Variants in NDNF observed in about 807,000 individuals in gnomAD.
NDNF encodes protein NDNF.
In NDNF, 16 loss-of-function variants were observed where a neutral mutation model predicts 42.0. That is an observed-to-expected ratio of 0.38 (90% CI 0.26 to 0.58). NDNF has a LOEUF of 0.58. Among genes scored for constraint, NDNF ranks in the 20% least tolerant of loss-of-function variants. NDNF has a pLI of 0.67. For synonymous variants in NDNF, 248 were observed against 251.7 expected (o/e 0.99, Z 0.14); for missense variants, 616 against 666.2 (o/e 0.92, Z 0.83).
intron 1 of NDNF, among the ~76,000 whole-genome samples, chr4:121,048,357 A>G (rs2148766354): frequency 6.6e-6 from 1 of 152,314 alleles, no homozygotes; most frequent in Admixed American, 6.5e-5. Context: ...CTTAGGCCCC[A>G]TGTTTGCCCA....
At chr4:121,044,897 T>C (rs974803944) in intron 2 of NDNF, among the ~76,000 whole-genome samples, 12 of 152,120 alleles carry the variant, frequency 7.9e-5, no homozygotes, top group Non-Finnish European at 1.5e-4. Context: ...TCCCGGGATG[T>C]TGAGGCTACA....
At position 121,037,048 on chromosome 4, in the gene NDNF, G is replaced by T. The variant is rs143991157; in HGVS notation, c.923C>A (p.Thr308Lys). 17 of 1,613,824 alleles carry T rather than the reference G, an allele frequency of 1.1e-5. No homozygotes were observed. In the African/African-American group the frequency reaches 1.7e-4, roughly 16 times the overall value. The part of the protein sequence containing the change: ...IFTVSDLKPD[T>K]QYYFDVFVVN... ...CACAAATACATCAAAGTAGTACTGC[G>T]TGTCGGGTTTCAGATCAGAGACGGT... The change falls in exon 4 of 4, where the codon ACG becomes AAG. Residue 308 changes from threonine to lysine, a missense_variant. By Grantham distance (78) the Thr-to-Lys change is moderately conservative. Transcript: ENST00000379692.
chr4:121,045,368 A>G (rs1190106463), intron 2 of NDNF, among the ~76,000 whole-genome samples: 1 of 152,104 alleles, frequency 6.6e-6, no homozygotes, highest in Non-Finnish European at 1.5e-5. Flanking sequence ...AAAAAAAAAA[A>G]AATCCTCCTG....
intron 2 of NDNF, 146 bp downstream of exon 2, chr4:121,045,504 C>T (rs935102390): frequency 5.1e-5 from 32 of 631,104 alleles, no homozygotes; most frequent in African/African-American, 4.7e-4. Flanking sequence ...AGTTGCACTG[C>T]CATGTTCCCC....
At position 121,053,276 on chromosome 4, in the gene NDNF, A is replaced by C. The variant is rs1727231375; in HGVS notation, c.-1-7438T>G. Among the ~76,000 whole-genome samples the C allele has an allele frequency of 3.3e-5, 5 of 152,192 alleles. No individual in the cohort carries two copies. In the South Asian group the frequency reaches 1.0e-3, roughly 32 times the overall value. On this transcript the variant is annotated intron_variant, in intron 1 of 3. Coordinates refer to ENST00000379692, the MANE Select transcript of NDNF (RefSeq NM_024574.4). The stretch of plus-strand genomic sequence containing the variant: ...TATAAAAAAGCAATGTGAAATTAAA[A>C]CATGCCAAGGATTCGAATAAAGTTT...
intron 1 of NDNF, among the ~76,000 whole-genome samples, chr4:121,070,812 AG>A (rs1299350548): frequency 6.6e-6 from 1 of 152,220 alleles, no homozygotes; most frequent in Non-Finnish European, 1.5e-5. Flanking sequence ...TCTTGGTTTT[AG>A]GGAGCCACCC....
Position 121,037,569 on chromosome 4 carries a change from C to G in NDNF, c.402G>C (p.Glu134Asp). 3 of 1,613,570 alleles carry G rather than the reference C, an allele frequency of 1.9e-6. No homozygotes were observed. The highest frequency in any genetic ancestry group is 2.5e-6 in the Non-Finnish European group (3 of 1,179,838). The part of the protein sequence containing the change: ...ELFSYKGNDV[E>D]YFISSSSPSG... Reference sequence around the variant, plus strand: ...ATGGGGAACTAGACGATATAAAATACTCAACATCATTGCCTTTGTAGGAGA... The same window carrying G: ...ATGGGGAACTAGACGATATAAAATAGTCAACATCATTGCCTTTGTAGGAGA... Residue 134 changes from glutamate (E) to aspartate (D), a missense_variant, in exon 4 of 4, where the codon GAG becomes GAC. Transcript: ENST00000379692.
rs544596019 is a variant in NDNF at position 121,069,314 on chromosome 4, C to A, written c.-2+2679G>T. Among the ~76,000 whole-genome samples, 10 of 152,238 alleles carry A rather than the reference C, an allele frequency of 6.6e-5. No homozygotes were observed. In the South Asian group the frequency reaches 1.7e-3, roughly 25 times the overall value. On this transcript the variant is annotated intron_variant, in intron 1 of 3. Coordinates refer to ENST00000379692, the MANE Select transcript of NDNF (RefSeq NM_024574.4). ...ATATGAATGTTAAACAGACCCAGGA[C>A]AAATAAGCTGAGGGTGGGGGCTTCT...
At chr4:121,063,397 A>T (rs1234262612) in intron 1 of NDNF, among the ~76,000 whole-genome samples, 1 of 152,110 alleles carries the variant, frequency 6.6e-6, no homozygotes, top group African/African-American at 2.4e-5. Flanking sequence ...TTTTCCGATA[A>T]CTTGTCTCTA....
chr4:121,041,672 G>A (rs1422006314), intron 2 of NDNF, among the ~76,000 whole-genome samples: 2 of 152,144 alleles, frequency 1.3e-5, no homozygotes, highest in Non-Finnish European at 2.9e-5. Flanking sequence ...GGAATGATTC[G>A]GAGGTGGTGA....
At chr4:121,061,347 C>G (rs1560609647) in intron 1 of NDNF, 1 of 152,824 alleles carries the variant, frequency 6.5e-6, no homozygotes, top group Non-Finnish European at 1.5e-5. Context: ...TGGCCAAGTG[C>G]ACAGCTTCGG....
At chr4:121,042,344 T>G (rs1367262921) in intron 2 of NDNF, among the ~76,000 whole-genome samples, 1 of 152,232 alleles carries the variant, frequency 6.6e-6, no homozygotes, top group Non-Finnish European at 1.5e-5. Context: ...ATATAGAATC[T>G]GAATTGAAAT....
At chr4:121,071,875 G>A (rs1414408307) in intron 1 of NDNF, 118 bp downstream of exon 1, 2 of 151,980 alleles carry the variant, frequency 1.3e-5, no homozygotes, top group Non-Finnish European at 2.9e-5. Flanking sequence ...TTGGGGGCGC[G>A]TGCCTCGAGC....
chr4:121,036,554 G>T lies in NDNF; in HGVS notation c.1417C>A (p.Gln473Lys). 6.2e-7 allele frequency: 1 copy of T among 1,614,052 alleles called. No homozygotes were observed. Among genetic ancestry groups the T allele is most frequent in the Non-Finnish European group, 8.5e-7 (1 of 1,179,978 alleles). Residue 473 changes from glutamine to lysine, a missense_variant, in exon 4 of 4, where the codon CAG becomes AAG. By Grantham distance (53) the Gln-to-Lys change is moderately conservative. Transcript: ENST00000379692. Reference sequence around the variant, plus strand: ...TAGATGCAAAACTTGTTCCTTTCCTGAGTGCCTAGCCAAGCCACGGTGGCT... The same window carrying T: ...TAGATGCAAAACTTGTTCCTTTCCTTAGTGCCTAGCCAAGCCACGGTGGCT... ...SSATVAWLGTQERNKFCIYKK... is the reference protein window; with the variant it reads ...SSATVAWLGTKERNKFCIYKK...
At chr4:121,052,477 T>C (rs556604439) in intron 1 of NDNF, among the ~76,000 whole-genome samples, 18 of 152,364 alleles carry the variant, frequency 1.2e-4, no homozygotes, top group Non-Finnish European at 2.4e-4. Flanking sequence ...GAGATTTCTG[T>C]TATTTTCTTT....
chr4:121,065,272 T>C (rs1201692762), intron 1 of NDNF, among the ~76,000 whole-genome samples: 1 of 151,894 alleles, frequency 6.6e-6, no homozygotes, highest in African/African-American at 2.4e-5. Flanking sequence ...TAAAAGTGAC[T>C]ATAAATAGAT....
chr4:121,046,127 A>G (rs781263023), intron 1 of NDNF, among the ~76,000 whole-genome samples: 13 of 152,190 alleles, frequency 8.5e-5, no homozygotes, highest in Non-Finnish European at 1.8e-4. Flanking sequence ...GAAAATCCTC[A>G]CTTCATTACA....
Position 121,036,873 on chromosome 4 carries a change from A to G in NDNF, c.1098T>C (p.Ala366=). Residue 366 remains alanine, a synonymous_variant, in exon 4 of 4, where the codon GCT becomes GCC. Transcript: ENST00000379692. ...KRKGAKFLRF[A]PVSSHQKVTF... is the part of the protein sequence containing the mutation. Reference sequence around the variant, plus strand: ...TGACTTTTTGGTGAGAAGAGACTGGAGCAAACCGTAGAAACTTTGCTCCCT... The same window carrying G: ...TGACTTTTTGGTGAGAAGAGACTGGGGCAAACCGTAGAAACTTTGCTCCCT... 2 of 1,614,032 alleles carry G rather than the reference A, an allele frequency of 1.2e-6. No homozygotes were observed. Among genetic ancestry groups the G allele is most frequent in the South Asian group, 1.1e-5 (1 of 91,080 alleles).
intron 1 of NDNF, 54 bp from the exon 2 acceptor site, chr4:121,045,892 A>C: frequency 6.5e-7 from 1 of 1,544,640 alleles, no homozygotes; most frequent in Non-Finnish European, 8.8e-7. Context: ...CACTCAGGCA[A>C]GTCACAGACT....
Sources: allele counts gnomAD v4.1 joint callset (sites outside exome capture counted in the v4.1 genomes callset), GRCh38; gene constraint gnomAD v4.1.1; transcripts MANE v1.5; gene names NCBI Gene and HGNC (gene_info 2026-07-23, HGNC 2026-07-21).